GRIA3: variants seen among roughly 807,000 people sequenced by gnomAD.
GRIA3 encodes the protein glutamate receptor 3.
GRIA3 carries 3 observed loss-of-function variants against 63.0 expected under a neutral mutation model. That is an observed-to-expected ratio of 0.05 (90% CI 0.02 to 0.12). The LOEUF is 0.12. Among genes scored for constraint, GRIA3 ranks in the 10% least tolerant of loss-of-function variants. The pLI is 1.00. For missense variants in GRIA3, 347 were observed against 700.9 expected, an observed-to-expected ratio of 0.50 and a Z score of 5.70; for synonymous variants, 274 against 257.9, an observed-to-expected ratio of 1.06 and a Z score of -0.60.
chrX:123,385,275 T>C (rs1394000167), intron 5 of GRIA3, among the ~76,000 whole-genome samples: 1 of 112,033 alleles, frequency 8.9e-6, no homozygotes, highest in African/African-American at 3.2e-5. Flanking sequence ...CCATTGCTTG[T>C]TTTTGTCAGT....
At chrX:123,480,852 T>C (rs2045909204) in intron 14 of GRIA3, among the ~76,000 whole-genome samples, 1 of 111,908 alleles carries the variant, frequency 8.9e-6, no homozygotes, top group African/African-American at 3.3e-5. Flanking sequence ...ATCGTTAGGA[T>C]AACATCACAT....
intron 12 of GRIA3, among the ~76,000 whole-genome samples, chrX:123,441,884 T>C (rs1454914204): frequency 8.9e-6 from 1 of 111,752 alleles, no homozygotes; most frequent in African/African-American, 3.3e-5. Context: ...TGAAGTTTAT[T>C]ATATATGAAA....
Position 123,479,522 on chromosome X carries a change from G to A in GRIA3, c.2325-541G>A, listed in dbSNP as rs774332545. 1.7e-4 allele frequency among the ~76,000 whole-genome samples: 19 copies of A among 112,266 alleles called. 1 individual carries two copies. In the South Asian group the frequency reaches 6.4e-3, roughly 38 times the overall value. ...ATTTTCAGCTGGGCAACAGACTTGT[G>A]TGATAAAGGACAATTAATTAGAAGG... is the stretch of plus-strand genomic sequence containing the variant. On this transcript the variant is annotated intron_variant, in intron 13 of 15. Transcript: ENST00000620443.
At chrX:123,285,243 T>C (rs1335950912) in intron 3 of GRIA3, among the ~76,000 whole-genome samples, 1 of 110,707 alleles carries the variant, frequency 9.0e-6, no homozygotes, top group Non-Finnish European at 1.9e-5. Flanking sequence ...CAAGAGCTCC[T>C]GAAGGAAGCA....
chrX:123,468,459 C>A (rs2045845898), intron 13 of GRIA3, among the ~76,000 whole-genome samples: 6 of 112,006 alleles, frequency 5.4e-5, no homozygotes, highest in Admixed American at 4.7e-4. Context: ...AGAGTTTAGA[C>A]TGGAATGTCA....
rs1394953592 is a variant in GRIA3 at position 123,489,127 on chromosome X, C to G, written c.*417C>G. The G allele has an allele frequency of 9.5e-6, 1 of 104,884 alleles. No homozygotes were observed. Among genetic ancestry groups the G allele is most frequent in the Non-Finnish European group, 1.9e-5 (1 of 51,445 alleles). 8.6% of individuals were successfully genotyped at this position (104,884 alleles called of 1,213,427 possible). ...CACACACACACACACATTTAAATTC[C>G]AATTCAGCAAAGAGGCCCATCTAAG... On this transcript the variant is annotated 3_prime_UTR_variant, in exon 16 of 16. Transcript: ENST00000620443.
chrX:123,403,374 A>C (rs1164672735), intron 8 of GRIA3, 38 bp from the exon 9 acceptor site: 1 of 900,727 alleles, frequency 1.1e-6, no homozygotes, highest in Admixed American at 2.2e-5. Context: ...TTTCTGAGGG[A>C]AAAATAGGCA....
chrX:123,390,326 G>C (rs758536911), intron 5 of GRIA3, among the ~76,000 whole-genome samples: 3 of 111,939 alleles, frequency 2.7e-5, no homozygotes, highest in African/African-American at 9.7e-5. Flanking sequence ...GGCTAGTCTA[G>C]CAGCTATTAA....
At chrX:123,258,075 C>T (rs962013808) in intron 3 of GRIA3, among the ~76,000 whole-genome samples, 8 of 112,342 alleles carry the variant, frequency 7.1e-5, no homozygotes, top group African/African-American at 2.3e-4. Context: ...TCTGCCCTAT[C>T]GGTACCCTCT....
intron 3 of GRIA3, among the ~76,000 whole-genome samples, chrX:123,315,860 T>A (rs760251288): frequency 2.7e-5 from 3 of 111,023 alleles, no homozygotes; most frequent in Non-Finnish European, 5.7e-5. Context: ...AAAGCCCATG[T>A]GAGCACTAGA....
intron 4 of GRIA3, among the ~76,000 whole-genome samples, chrX:123,345,503 C>T (rs1256684699): frequency 9.7e-6 from 1 of 102,941 alleles, no homozygotes; most frequent in Admixed American, 1.1e-4. Flanking sequence ...CACCTCCTTC[C>T]CAAACAAGGC....
At chrX:123,466,773 C>G (rs1189837427) in intron 13 of GRIA3, among the ~76,000 whole-genome samples, 2 of 112,353 alleles carry the variant, frequency 1.8e-5, no homozygotes, top group Non-Finnish European at 3.8e-5. Flanking sequence ...GACCAAGATC[C>G]CATGGGCATC....
At chrX:123,326,722 G>A (rs1432272140) in intron 4 of GRIA3, among the ~76,000 whole-genome samples, 1 of 111,586 alleles carries the variant, frequency 9.0e-6, no homozygotes, top group Non-Finnish European at 1.9e-5. Context: ...ACCAAGTTTT[G>A]AATTTGTCTA....
At chrX:123,352,583 T>C (rs2045103630) in intron 4 of GRIA3, among the ~76,000 whole-genome samples, 1 of 111,919 alleles carries the variant, frequency 8.9e-6, no homozygotes, top group Admixed American at 9.5e-5. Flanking sequence ...TCATCTTCTC[T>C]ACACACAAAA....
At chrX:123,277,875 T>G (rs2044564260) in intron 3 of GRIA3, among the ~76,000 whole-genome samples, 2 of 111,203 alleles carry the variant, frequency 1.8e-5, no homozygotes, top group South Asian at 7.6e-4. Context: ...TGATGTGGGG[T>G]GGGGCCTAGA....
chrX:123,417,638 T>C lies in GRIA3; in HGVS notation c.1737T>C (p.Tyr579=). ...TCCTAGTCAGCAGGTTCAGTCCTTA[T>C]GAATGGCACTTGGAAGACAACAATG... is the stretch of plus-strand genomic sequence containing the variant. ...VLFLVSRFSP[Y]EWHLEDNNEE... The change falls in exon 11 of 16, where the codon TAT becomes TAC. Residue 579 remains tyrosine (Y), a synonymous_variant. Transcript: ENST00000620443. The C allele has an allele frequency of 8.4e-7, 1 of 1,196,164 alleles. No homozygotes were observed. Among genetic ancestry groups the C allele is most frequent in the Admixed American group, 2.3e-5 (1 of 44,173 alleles).
chrX:123,326,970 CA>C (rs371272086), intron 4 of GRIA3, among the ~76,000 whole-genome samples: 3,844 of 102,558 alleles, frequency 0.037, 175 homozygotes, highest in African/African-American at 0.13. Flanking sequence ...GACTCTGTCT[CA>C]AAAAAAAAAT....
intron 2 of GRIA3, among the ~76,000 whole-genome samples, chrX:123,237,041 T>G (rs202164507): frequency 9.0e-6 from 1 of 111,569 alleles, no homozygotes; most frequent in East Asian, 2.8e-4. Flanking sequence ...ATAGATTTCT[T>G]GGGGGATGAG....
At chrX:123,300,115 T>C (rs983782715) in intron 3 of GRIA3, among the ~76,000 whole-genome samples, 1 of 110,816 alleles carries the variant, frequency 9.0e-6, no homozygotes, top group African/African-American at 3.3e-5. Context: ...GATGTGCTGC[T>C]GGATTCGGTT....
Sources: gnomAD v4.1 joint callset for allele counts (sites outside exome capture counted in the v4.1 genomes callset) on GRCh38, gnomAD v4.1.1 for gene constraint, MANE v1.5 for transcripts, NCBI Gene and HGNC (gene_info 2026-07-23, HGNC 2026-07-21) for gene names.